Variants in ERC2 observed in about 807,000 individuals in gnomAD.
ERC2 encodes ELKS/RAB6-interacting/CAST family member 2.
ERC2 carries 42 observed loss-of-function variants against 114.8 expected under a neutral mutation model. The observed-to-expected ratio is 0.37, with a 90% CI of 0.29 to 0.47. The LOEUF is 0.47. Ranked by LOEUF, ERC2 falls within the 20% of genes least tolerant of loss-of-function variation. The pLI, the probability that ERC2 is intolerant of heterozygous loss-of-function variation, is 0.99. For synonymous variants in ERC2, 454 were observed against 425.5 expected (o/e 1.07, Z -0.82); for missense variants, 939 against 1,150.7 (o/e 0.82, Z 2.66).
chr3:56,215,406 A>G (rs1444945990), intron 3 of ERC2, among the ~76,000 whole-genome samples: 1 of 152,262 alleles, frequency 6.6e-6, no homozygotes, highest in Non-Finnish European at 1.5e-5. Context: ...AGGCCATTAC[A>G]TAATGGTAAA....
At chr3:55,933,176 T>A (rs1210308651) in intron 13 of ERC2, among the ~76,000 whole-genome samples, 1 of 146,554 alleles carries the variant, frequency 6.8e-6, no homozygotes, top group Non-Finnish European at 1.5e-5. Flanking sequence ...GCCACTGCAC[T>A]CCAACCTGGG....
intron 7 of ERC2, among the ~76,000 whole-genome samples, chr3:56,049,473 A>G (rs568206184): frequency 6.6e-6 from 1 of 152,334 alleles, no homozygotes; most frequent in East Asian, 1.9e-4. Context: ...GATGCAAAGT[A>G]TTGATCCTAG....
intron 7 of ERC2, among the ~76,000 whole-genome samples, chr3:56,042,625 G>A (rs138421620): frequency 4.7e-4 from 72 of 152,038 alleles, no homozygotes; most frequent in African/African-American, 1.6e-3. Flanking sequence ...AAATAAGACC[G>A]CTCCCCAAAG....
intron 17 of ERC2, among the ~76,000 whole-genome samples, chr3:55,533,676 T>C (rs1235061269): frequency 6.6e-6 from 1 of 152,022 alleles, no homozygotes; most frequent in Non-Finnish European, 1.5e-5. Flanking sequence ...TGTGGAGAGA[T>C]CAGGATGCCA....
At chr3:55,827,693 A>G (rs917906273) in intron 14 of ERC2, among the ~76,000 whole-genome samples, 7 of 152,190 alleles carry the variant, frequency 4.6e-5, no homozygotes, top group Non-Finnish European at 7.3e-5. Flanking sequence ...ATGAGCAGAA[A>G]TCTTCCCTGA....
intron 17 of ERC2, among the ~76,000 whole-genome samples, chr3:55,537,898 C>T (rs1411244425): frequency 1.3e-5 from 2 of 152,148 alleles, no homozygotes; most frequent in Non-Finnish European, 2.9e-5. Context: ...GAAGGCTGTG[C>T]CTATTACTCT....
intron 4 of ERC2, among the ~76,000 whole-genome samples, chr3:56,162,601 T>A (rs1009800473): frequency 3.9e-5 from 6 of 152,196 alleles, no homozygotes; most frequent in Non-Finnish European, 7.4e-5. Context: ...CCTCATTGAA[T>A]CTTGGGAGAG....
In ERC2 at chr3:55,652,785, G is replaced by A. The variant is rs138884978; in HGVS notation, c.*39+31009C>T. Among the ~76,000 whole-genome samples the A allele has an allele frequency of 9.8e-3, 1,449 of 148,490 alleles. 10 individuals carry two copies. The highest frequency in any genetic ancestry group is 0.015 in the Non-Finnish European group (1,016 of 67,552). On this transcript the variant is annotated intron_variant, in intron 17 of 17. Coordinates refer to ENST00000288221, the MANE Select transcript of ERC2 (RefSeq NM_015576.3). The stretch of plus-strand genomic sequence containing the variant: ...TGAGGCAGGAGAATCGTTTGAACCC[G>A]GGAGGCAGAGGTCGAAGTGAGCCAA...
intron 12 of ERC2, among the ~76,000 whole-genome samples, chr3:55,952,170 C>T (rs1425165290): frequency 0.08 from 5,056 of 63,322 alleles, 581 homozygotes; most frequent in South Asian, 0.14. Flanking sequence ...CACACACACA[C>T]ACACACACAC....
chr3:56,004,670 C>T (rs1213754835), intron 10 of ERC2, among the ~76,000 whole-genome samples: 1 of 151,986 alleles, frequency 6.6e-6, no homozygotes, highest in Non-Finnish European at 1.5e-5. Flanking sequence ...TTCAACGACA[C>T]ACATCTACAA....
chr3:55,841,575 C>A lies in ERC2; in HGVS notation c.2564+46814G>T, dbSNP rs140178075. Reference sequence around the variant, plus strand: ...ACAACCAAAACAATACAGAAGGTACCTTTTACTAGGCATTTGCTATGTTCT... The same window carrying A: ...ACAACCAAAACAATACAGAAGGTACATTTTACTAGGCATTTGCTATGTTCT... On this transcript the variant is annotated intron_variant, in intron 14 of 17. Coordinates refer to ENST00000288221, the MANE Select transcript of ERC2 (RefSeq NM_015576.3). Among the ~76,000 whole-genome samples, 71 of 152,204 alleles carry A rather than the reference C, an allele frequency of 4.7e-4. No individual in the cohort carries two copies. In the East Asian group the frequency reaches 0.014, roughly 29 times the overall value.
chr3:56,030,646 AT>A (rs1420227101), intron 7 of ERC2, among the ~76,000 whole-genome samples: 2 of 152,228 alleles, frequency 1.3e-5, no homozygotes, highest in Non-Finnish European at 2.9e-5. Context: ...CATTTTAAAA[AT>A]TAATGTTAGA....
intron 7 of ERC2, among the ~76,000 whole-genome samples, chr3:56,071,114 C>T (rs564037134): frequency 7.9e-5 from 12 of 152,252 alleles, no homozygotes; most frequent in African/African-American, 2.9e-4. Context: ...GCAGAAATTA[C>T]AACTTCTTCA....
intron 14 of ERC2, among the ~76,000 whole-genome samples, chr3:55,880,181 G>A (rs569824173): frequency 1.3e-5 from 2 of 152,168 alleles, no homozygotes; most frequent in Non-Finnish European, 2.9e-5. Context: ...ACACTAAGAG[G>A]TGCAAGCAAA....
intron 14 of ERC2, among the ~76,000 whole-genome samples, chr3:55,874,215 G>T (rs148406441): frequency 0.017 from 2,562 of 152,294 alleles, 36 homozygotes; most frequent in Middle Eastern, 0.031. Context: ...GGGACTCCTA[G>T]AATGTTCTCT....
chr3:56,449,029 T>G (rs1458913015), intron 1 of ERC2, among the ~76,000 whole-genome samples: 1 of 146,050 alleles, frequency 6.8e-6, no homozygotes, highest in Non-Finnish European at 1.5e-5. Flanking sequence ...CAGCCGAGAT[T>G]GTGCCACTGC....
Position 56,417,055 on chromosome 3 carries a change from A to G in ERC2, c.657+17296T>C, listed in dbSNP as rs778981769. 4.7e-4 allele frequency among the ~76,000 whole-genome samples: 72 copies of G among 152,262 alleles called. 1 individual carries two copies. The highest frequency in any genetic ancestry group is 9.1e-4 in the Non-Finnish European group (62 of 68,048). On this transcript the variant is annotated intron_variant, in intron 2 of 17. Coordinates refer to ENST00000288221, the MANE Select transcript of ERC2 (RefSeq NM_015576.3). ...CTTAGCTGGCCAGATATTATGCAGC[A>G]GATGGATTCTGTAGACTGAGATGAG...
At chr3:55,761,769 G>A (rs1189224944) in intron 14 of ERC2, among the ~76,000 whole-genome samples, 6 of 151,456 alleles carry the variant, frequency 4.0e-5, no homozygotes, top group Admixed American at 2.0e-4. Context: ...CCAGCTACTC[G>A]GGAGGCTGAG....
intron 14 of ERC2, among the ~76,000 whole-genome samples, chr3:55,849,125 A>G (rs1575832655): frequency 6.6e-6 from 1 of 152,172 alleles, no homozygotes; most frequent in Non-Finnish European, 1.5e-5. Context: ...CTCATTTTCT[A>G]TGTGGACAAA....
Sources: allele counts gnomAD v4.1 joint callset (sites outside exome capture counted in the v4.1 genomes callset), GRCh38; gene constraint gnomAD v4.1.1; transcripts MANE v1.5; gene names NCBI Gene and HGNC (gene_info 2026-07-23, HGNC 2026-07-21).